The following TBL1XR1 variants were observed in gnomAD, a reference collection of about 807,000 sequenced individuals.
The protein encoded by TBL1XR1 is TBL1X/Y related 1.
Under a neutral mutation model 66.9 loss-of-function variants are expected in TBL1XR1, and 5 were observed. The observed-to-expected ratio is 0.07, with a 90% CI of 0.04 to 0.16. TBL1XR1 has a LOEUF of 0.16. TBL1XR1 is among the 10% of genes least tolerant of loss of function. The pLI, the probability that TBL1XR1 is intolerant of heterozygous loss-of-function variation, is 1.00. For missense variants in TBL1XR1, 238 were observed against 623.2 expected, an observed-to-expected ratio of 0.38 and a Z score of 6.58; for synonymous variants, 210 against 206.0, an observed-to-expected ratio of 1.02 and a Z score of -0.17.
At position 177,038,752 on chromosome 3, in the gene TBL1XR1, GTGA is replaced by G. The variant is rs202165877; in HGVS notation, c.926-321_926-319del. Among the ~76,000 whole-genome samples, 27 of 152,274 alleles carry G rather than the reference GTGA, an allele frequency of 1.8e-4. No individual in the cohort carries two copies. In the East Asian group the frequency reaches 4.4e-3, roughly 25 times the overall value. On this transcript the variant is annotated intron_variant, in intron 10 of 15. Coordinates refer to ENST00000457928, the MANE Select transcript of TBL1XR1 (RefSeq NM_024665.7). ...CTTTTATAAAATGATAAAATTAAAT[GTGA>G]TGATATCATGCTTTTCATTTCTAAA...
intron 1 of TBL1XR1, among the ~76,000 whole-genome samples, chr3:177,116,714 T>C (rs991620192): frequency 5.3e-5 from 8 of 152,162 alleles, no homozygotes; most frequent in Non-Finnish European, 1.0e-4. Flanking sequence ...AAACCTCAGT[T>C]TTCTCATCAG....
chr3:177,093,815 A>G (rs1330522303), intron 2 of TBL1XR1, among the ~76,000 whole-genome samples: 1 of 152,244 alleles, frequency 6.6e-6, no homozygotes, highest in African/African-American at 2.4e-5. Flanking sequence ...CTTATACAAA[A>G]ATCAACTCAA....
intron 1 of TBL1XR1, among the ~76,000 whole-genome samples, chr3:177,116,485 C>T (rs1726325395): frequency 6.6e-6 from 1 of 152,212 alleles, no homozygotes; most frequent in Non-Finnish European, 1.5e-5. Context: ...GCTGTATCCT[C>T]TGGCTAAATT....
intron 1 of TBL1XR1, among the ~76,000 whole-genome samples, chr3:177,176,573 G>T (rs563928224): frequency 6.6e-5 from 10 of 150,854 alleles, no homozygotes; most frequent in Admixed American, 4.0e-4. Flanking sequence ...AGCACTTTGG[G>T]AGGCCAAGGC....
At chr3:177,116,282 C>T (rs1726299967) in intron 1 of TBL1XR1, among the ~76,000 whole-genome samples, 3 of 152,126 alleles carry the variant, frequency 2.0e-5, no homozygotes, top group Non-Finnish European at 2.9e-5. Flanking sequence ...TTCCTCTTCT[C>T]GTATTTCCTA....
intron 1 of TBL1XR1, among the ~76,000 whole-genome samples, chr3:177,112,270 G>A (rs1388920142): frequency 6.6e-6 from 1 of 150,800 alleles, no homozygotes; most frequent in East Asian, 2.0e-4. Flanking sequence ...ACTACGCTCA[G>A]CTAATTTTTG....
intron 2 of TBL1XR1, among the ~76,000 whole-genome samples, chr3:177,074,221 T>C (rs1463430947): frequency 6.6e-6 from 1 of 152,142 alleles, no homozygotes; most frequent in Non-Finnish European, 1.5e-5. Context: ...AGAGGAGATG[T>C]AGGGAGTGAA....
At chr3:177,183,094 C>A (rs1370999032) in intron 1 of TBL1XR1, among the ~76,000 whole-genome samples, 1 of 152,154 alleles carries the variant, frequency 6.6e-6, no homozygotes, top group Admixed American at 6.5e-5. Context: ...CTTCAGAATA[C>A]AACCTAAAGA....
chr3:177,065,310 T>C (rs1005904477), intron 2 of TBL1XR1, among the ~76,000 whole-genome samples: 6 of 152,222 alleles, frequency 3.9e-5, no homozygotes, highest in Admixed American at 3.3e-4. Flanking sequence ...TAGCATAAAA[T>C]GTTGCTCACT....
chr3:177,159,633 T>C (rs558222920), intron 1 of TBL1XR1, among the ~76,000 whole-genome samples: 1 of 152,132 alleles, frequency 6.6e-6, no homozygotes, highest in Non-Finnish European at 1.5e-5. Flanking sequence ...GATATGTCAG[T>C]GTGCAAAAAT....
intron 1 of TBL1XR1, among the ~76,000 whole-genome samples, chr3:177,188,935 C>T (rs1374027132): frequency 1.2e-4 from 18 of 152,036 alleles, no homozygotes; most frequent in African/African-American, 3.9e-4. Flanking sequence ...TGGGCGGGTG[C>T]GGTGGCTCAC....
At chr3:177,129,945 G>C (rs932965972) in intron 1 of TBL1XR1, among the ~76,000 whole-genome samples, 8 of 152,056 alleles carry the variant, frequency 5.3e-5, no homozygotes, top group Non-Finnish European at 1.0e-4. Flanking sequence ...AGGAGTTTAA[G>C]ACCAGCCTGG....
chr3:177,177,246 C>A (rs142836041), intron 1 of TBL1XR1, among the ~76,000 whole-genome samples: 63 of 152,112 alleles, frequency 4.1e-4, no homozygotes, highest in Admixed American at 2.7e-3. Flanking sequence ...GGTCAGGAGT[C>A]CGAGACCAGC....
intron 2 of TBL1XR1, chr3:177,078,670 T>C (rs994951094): frequency 1.3e-5 from 2 of 151,540 alleles, no homozygotes; most frequent in East Asian, 1.9e-4. Flanking sequence ...ATCGGCTGGG[T>C]GCGGTGGCTC....
At chr3:177,063,285 C>A (rs1718751013) in intron 3 of TBL1XR1, among the ~76,000 whole-genome samples, 1 of 152,170 alleles carries the variant, frequency 6.6e-6, no homozygotes, top group South Asian at 2.1e-4. Context: ...TTACTGCTCT[C>A]ATTAACACCA....
chr3:177,191,469 TCTCA>T (rs1736130603), intron 1 of TBL1XR1, among the ~76,000 whole-genome samples: 1 of 152,210 alleles, frequency 6.6e-6, no homozygotes, highest in South Asian at 2.1e-4. Flanking sequence ...GCCTCAATTT[TCTCA>T]CTGTTAAATT....
intron 1 of TBL1XR1, among the ~76,000 whole-genome samples, chr3:177,181,005 G>C (rs1577406536): frequency 6.6e-6 from 1 of 151,950 alleles, no homozygotes; most frequent in Non-Finnish European, 1.5e-5. Flanking sequence ...CAAGTACTAG[G>C]ATTAGAGGCG....
chr3:177,174,882 G>A (rs1200536621), intron 1 of TBL1XR1, among the ~76,000 whole-genome samples: 2 of 152,040 alleles, frequency 1.3e-5, no homozygotes, highest in Non-Finnish European at 2.9e-5. Context: ...TTCCTATTAC[G>A]GTCAGAAGAA....
chr3:177,078,057 T>C (rs1296397867), intron 2 of TBL1XR1, among the ~76,000 whole-genome samples: 1 of 152,218 alleles, frequency 6.6e-6, no homozygotes, highest in Non-Finnish European at 1.5e-5. Flanking sequence ...TATAACCCAC[T>C]AAGTGTTAAC....
Sources: allele counts gnomAD v4.1 joint callset (sites outside exome capture counted in the v4.1 genomes callset), GRCh38; gene constraint gnomAD v4.1.1; transcripts MANE v1.5; gene names NCBI Gene and HGNC (gene_info 2026-07-23, HGNC 2026-07-21).